DPF3: variants seen among roughly 807,000 people sequenced by gnomAD.
DPF3 encodes the protein double PHD fingers 3.
DPF3 carries 18 observed loss-of-function variants against 56.8 expected under a neutral mutation model. The observed-to-expected ratio is 0.32, with a 90% CI of 0.22 to 0.47. The LOEUF (loss-of-function observed/expected upper bound fraction) is 0.47. Among genes scored for constraint, DPF3 ranks in the 20% least tolerant of loss-of-function variants. DPF3 has a pLI of 1.00. For synonymous variants in DPF3, 188 were observed against 180.2 expected, an observed-to-expected ratio of 1.04 and a Z score of -0.35; for missense variants, 403 against 488.8, an observed-to-expected ratio of 0.82 and a Z score of 1.65.
chr14:72,621,578 C>T (rs12434442), intron 9 of DPF3, among the ~76,000 whole-genome samples: 29,489 of 152,090 alleles, frequency 0.19, 3,882 homozygotes, highest in East Asian at 0.58. Context: ...GAGTTATCAA[C>T]AGGGGAGTGA....
At chr14:72,860,857 C>T (rs1229385558) in intron 1 of DPF3, among the ~76,000 whole-genome samples, 5 of 152,196 alleles carry the variant, frequency 3.3e-5, no homozygotes, top group African/African-American at 4.8e-5. Context: ...TGAGCCACCA[C>T]GCCCGGCAGC....
At chr14:72,734,399 CTGATGACATAT>C (rs1333487152) in intron 3 of DPF3, among the ~76,000 whole-genome samples, 1 of 152,168 alleles carries the variant, frequency 6.6e-6, no homozygotes, top group African/African-American at 2.4e-5. Context: ...ATAGCCTGCT[CTGATGACATAT>C]TACTCTTTCT....
chr14:72,833,682 C>T (rs967092272), intron 1 of DPF3, among the ~76,000 whole-genome samples: 5 of 152,172 alleles, frequency 3.3e-5, no homozygotes, highest in Admixed American at 3.3e-4. Flanking sequence ...ACTCCTCCAT[C>T]TCCACAGGCT....
At chr14:72,789,897 A>C (rs1057270483) in intron 1 of DPF3, among the ~76,000 whole-genome samples, 1 of 151,896 alleles carries the variant, frequency 6.6e-6, no homozygotes, top group Admixed American at 6.6e-5. Context: ...CCTCCCCCAA[A>C]CTCCTTAGCT....
Position 72,609,208 on chromosome 14 carries a change from G to T in DPF3, c.*10089C>A, listed in dbSNP as rs939238437. On this transcript the variant is annotated 3_prime_UTR_variant, in exon 11 of 11. Coordinates refer to ENST00000556509, the MANE Select transcript of DPF3 (RefSeq NM_001280542.3). ...ACGTGCGAGCATTCCATGGGATATC[G>T]AGGGGTCCCAAAGAAGAAGGCTGCT... is the stretch of plus-strand genomic sequence containing the variant. Among the ~76,000 whole-genome samples the T allele has an allele frequency of 6.6e-6, 1 of 152,134 alleles. No individual in the cohort carries two copies. Among genetic ancestry groups the T allele is most frequent in the African/African-American group, 2.4e-5 (1 of 41,442 alleles).
rs115220175 is a variant in DPF3, at chr14:72,811,697, A to G, written c.33-39804T>C. 8.3e-3 allele frequency among the ~76,000 whole-genome samples: 1,269 copies of G among 152,296 alleles called. 21 individuals are homozygous for G. Among genetic ancestry groups the G allele is most frequent in the African/African-American group, 0.029 (1,187 of 41,546 alleles). ...ACATGATAGAGGAATTCAAATATAAACAAGACATAGGCCCTGCCTTCCAGA... is the reference window on the plus strand; with the variant it reads ...ACATGATAGAGGAATTCAAATATAAGCAAGACATAGGCCCTGCCTTCCAGA... On this transcript the variant is annotated intron_variant, in intron 1 of 10. Coordinates refer to ENST00000556509, the MANE Select transcript of DPF3 (RefSeq NM_001280542.3).
intron 8 of DPF3, among the ~76,000 whole-genome samples, chr14:72,640,003 G>T (rs1253643746): frequency 7.5e-6 from 1 of 134,108 alleles, no homozygotes; most frequent in Non-Finnish European, 1.5e-5. Flanking sequence ...AGAGGAGGTA[G>T]CTTTCAAGCT....
chr14:72,831,865 T>C (rs1477615478), intron 1 of DPF3, among the ~76,000 whole-genome samples: 1 of 152,196 alleles, frequency 6.6e-6, no homozygotes, highest in African/African-American at 2.4e-5. Context: ...AAAGGGGATA[T>C]TGGTGTTCAT....
At chr14:72,879,460 T>C (rs1441094556) in intron 1 of DPF3, among the ~76,000 whole-genome samples, 3 of 151,832 alleles carry the variant, frequency 2.0e-5, no homozygotes, top group Non-Finnish European at 4.4e-5. Flanking sequence ...CTAACTCCTG[T>C]CAATTATTTC....
intron 1 of DPF3, among the ~76,000 whole-genome samples, chr14:72,834,835 C>T (rs758120443): frequency 3.3e-5 from 5 of 152,058 alleles, no homozygotes; most frequent in Admixed American, 6.6e-5. Flanking sequence ...TCAAATGTGG[C>T]GTATTCATAC....
intron 6 of DPF3, among the ~76,000 whole-genome samples, chr14:72,709,315 A>G (rs1460714516): frequency 1.3e-5 from 2 of 152,172 alleles, no homozygotes; most frequent in African/African-American, 4.8e-5. Context: ...GGAGTGAGTC[A>G]TGCTTCTAGG....
At chr14:72,637,616 T>C (rs920366038) in intron 8 of DPF3, among the ~76,000 whole-genome samples, 1 of 152,196 alleles carries the variant, frequency 6.6e-6, no homozygotes, top group African/African-American at 2.4e-5. Context: ...GACAAGTCAA[T>C]TGACTTCTCT....
chr14:72,819,774 T>G (rs1883450824), intron 1 of DPF3, among the ~76,000 whole-genome samples: 1 of 151,848 alleles, frequency 6.6e-6, no homozygotes, highest in Admixed American at 6.6e-5. Context: ...CCATCTCTAC[T>G]AAAAATACAA....
chr14:72,712,965 C>T (rs1260438072), intron 6 of DPF3, among the ~76,000 whole-genome samples: 1 of 152,270 alleles, frequency 6.6e-6, no homozygotes, highest in Admixed American at 6.5e-5. Flanking sequence ...GATAGATGTG[C>T]TGGTCAAGCC....
chr14:72,880,754 G>A (rs1233426451), intron 1 of DPF3, among the ~76,000 whole-genome samples: 1 of 152,188 alleles, frequency 6.6e-6, no homozygotes, highest in Non-Finnish European at 1.5e-5. Context: ...CTGTTGCCCA[G>A]GCTGGCTCGA....
intron 2 of DPF3, among the ~76,000 whole-genome samples, chr14:72,763,675 T>C (rs1436157310): frequency 6.6e-6 from 1 of 152,138 alleles, no homozygotes; most frequent in Non-Finnish European, 1.5e-5. Flanking sequence ...TTGCATTAGG[T>C]AGTAATTTCT....
chr14:72,798,689 C>T (rs936547803), intron 1 of DPF3, among the ~76,000 whole-genome samples: 2 of 152,242 alleles, frequency 1.3e-5, no homozygotes, highest in Non-Finnish European at 2.9e-5. Context: ...GAGACTTCTG[C>T]CCAGTATGGG....
chr14:72,862,084 T>A (rs1283330451), intron 1 of DPF3, among the ~76,000 whole-genome samples: 1 of 152,194 alleles, frequency 6.6e-6, no homozygotes, highest in Non-Finnish European at 1.5e-5. Context: ...TTTCTTGAAT[T>A]GAATCCCAAT....
intron 8 of DPF3, among the ~76,000 whole-genome samples, chr14:72,666,216 C>A (rs1886436811): frequency 6.6e-6 from 1 of 152,198 alleles, no homozygotes; most frequent in Non-Finnish European, 1.5e-5. Flanking sequence ...CTACCACTGG[C>A]ACCACAAAAA....
Sources: gnomAD v4.1 joint callset for allele counts (sites outside exome capture counted in the v4.1 genomes callset) on GRCh38, gnomAD v4.1.1 for gene constraint, MANE v1.5 for transcripts, NCBI Gene and HGNC (gene_info 2026-07-23, HGNC 2026-07-21) for gene names.